Variants in FNTA observed in about 807,000 individuals in gnomAD.
The protein encoded by FNTA is protein farnesyltransferase/geranylgeranyltransferase type-1 subunit alpha.
FNTA carries 27 observed loss-of-function variants against 55.2 expected under a neutral mutation model. The ratio of observed to expected loss-of-function variants is 0.49; its 90% CI spans 0.36 to 0.67. The LOEUF (loss-of-function observed/expected upper bound fraction) is 0.67. Ranked by LOEUF, FNTA falls within the 30% of genes least tolerant of loss-of-function variation. The pLI, the probability that FNTA is intolerant of heterozygous loss-of-function variation, is 0.00. For missense variants in FNTA, 422 were observed against 464.7 expected, an observed-to-expected ratio of 0.91 and a Z score of 0.85; for synonymous variants, 176 against 170.7, an observed-to-expected ratio of 1.03 and a Z score of -0.24.
intron 7 of FNTA, chr8:43,084,491 C>T: frequency 7.6e-6 from 3 of 394,318 alleles, no homozygotes; most frequent in South Asian, 7.6e-5. Context: ...CAGAGTGTTT[C>T]CCAGGCATGA....
chr8:43,056,488 G>A lies in FNTA; in HGVS notation c.142G>A (p.Ala48Thr). ...GGCGGCCGAGGCTGGGGAAGCCGTG[G>A]CGTCCCCCATGGACGACGGGTTTGT... is the stretch of plus-strand genomic sequence containing the variant. Reference protein sequence around the residue: ...EMAAEAGEAVASPMDDGFVSL... With the variant: ...EMAAEAGEAVTSPMDDGFVSL... The change falls in exon 1 of 9, where the codon GCG becomes ACG. Residue 48 changes from alanine (A) to threonine (T), a missense_variant. By Grantham distance (58) the Ala-to-Thr change is moderately conservative. Coordinates refer to ENST00000302279, the MANE Select transcript of FNTA (RefSeq NM_002027.3). 1 of 1,573,334 alleles carries A rather than the reference G, an allele frequency of 6.4e-7. No individual in the cohort carries two copies.
In FNTA at chr8:43,056,412, C is replaced by G. The variant is rs570519776; in HGVS notation, c.66C>G (p.Pro22=). 2.8e-4 allele frequency: 429 copies of G among 1,520,686 alleles called. 2 individuals carry two copies. In the South Asian group the frequency reaches 5.0e-3, roughly 18 times the overall value. The allele number at this position is 1,520,686 out of a possible 1,614,324, so 94.2% of individuals were successfully genotyped here. A position where few individuals can be genotyped will look rare whatever the true frequency, so the allele number is the denominator to read the frequency against. Residue 22 remains proline (P), a synonymous_variant, in exon 1 of 9, where the codon CCC becomes CCG. Transcript: ENST00000302279. ...GCGAGCCCGGGCAGCCGGCGCAACC[C>G]CCGCCCCAGCCGCACCCACCGCCGC... The part of the protein sequence containing the change: ...QGGEPGQPAQ[P]PPQPHPPPPQ...
chr8:43,071,078 G>T (rs1810778766), intron 4 of FNTA, among the ~76,000 whole-genome samples: 1 of 152,064 alleles, frequency 6.6e-6, no homozygotes. Flanking sequence ...TGTAGAATAG[G>T]TCATTCATTA....
chr8:43,076,929 T>TATATA, intron 5 of FNTA: 1 of 242,074 alleles, frequency 4.1e-6, no homozygotes, highest in Non-Finnish European at 7.9e-6. Context: ...TTTATATCTA[T>TATATA]ACTGTGGTCA....
chr8:43,073,308 A>G (rs1351486573), intron 5 of FNTA, among the ~76,000 whole-genome samples: 1 of 152,240 alleles, frequency 6.6e-6, no homozygotes, highest in Non-Finnish European at 1.5e-5. Context: ...ACAATAGATT[A>G]AGACATAAAA....
At chr8:43,068,904 G>A (rs548345141) in intron 3 of FNTA, among the ~76,000 whole-genome samples, 1 of 152,144 alleles carries the variant, frequency 6.6e-6, no homozygotes, top group South Asian at 2.1e-4. Context: ...TAGAGATGGG[G>A]TTTCTCCATG....
At chr8:43,057,575 TC>T (rs1167591947) in intron 1 of FNTA, among the ~76,000 whole-genome samples, 1 of 152,178 alleles carries the variant, frequency 6.6e-6, no homozygotes, top group Non-Finnish European at 1.5e-5. Flanking sequence ...CTTGTATTTC[TC>T]CCTGTATAAT....
chr8:43,069,693 G>A, intron 4 of FNTA, 34 bp downstream of exon 4: 1 of 1,332,414 alleles, frequency 7.5e-7, no homozygotes, highest in Non-Finnish European at 1.1e-6. Flanking sequence ...CTCCCAGGCT[G>A]GAGTGCAGTG....
intron 5 of FNTA, among the ~76,000 whole-genome samples, chr8:43,072,773 C>T (rs912467446): frequency 6.6e-6 from 1 of 151,992 alleles, no homozygotes; most frequent in Non-Finnish European, 1.5e-5. Context: ...ACCTGACATC[C>T]TTCATGTTAG....
In FNTA at chr8:43,071,376, C is replaced by T. The variant is rs749053308; in HGVS notation, c.507-805C>T. Among the ~76,000 whole-genome samples, 6 of 151,914 alleles carry T rather than the reference C, an allele frequency of 3.9e-5. No homozygotes were observed. The South Asian group carries it at 6.2e-4, about 16-fold the overall frequency. On this transcript the variant is annotated intron_variant, in intron 4 of 8. Coordinates refer to ENST00000302279, the MANE Select transcript of FNTA (RefSeq NM_002027.3). ...ATAAAATCCTTAAGTATTTTCCTAG[C>T]GCAGAAACTCCTGGCCGGGCGCGGT...
At chr8:43,077,987 CTTG>C (rs927597429) in intron 6 of FNTA, 4 of 152,112 alleles carry the variant, frequency 2.6e-5, no homozygotes, top group African/African-American at 7.2e-5. Flanking sequence ...TTTGAACAGG[CTTG>C]TTGTTTTCAG....
intron 3 of FNTA, among the ~76,000 whole-genome samples, chr8:43,065,177 T>A (rs1426880289): frequency 6.6e-6 from 1 of 152,088 alleles, no homozygotes; most frequent in Non-Finnish European, 1.5e-5. Flanking sequence ...GAAAGATAGT[T>A]CATTCTCCAC....
Position 43,064,039 on chromosome 8 carries a change from A to T in FNTA, c.287-62A>T, listed in dbSNP as rs533311725. The T allele has an allele frequency of 8.8e-5, 86 of 979,456 alleles. 1 individual carries two copies. In the South Asian group the frequency reaches 1.1e-3, roughly 13 times the overall value. 60.7% of individuals were successfully genotyped at this position (979,456 alleles called of 1,614,324 possible). A position where few individuals can be genotyped will look rare whatever the true frequency, so the allele number is the denominator to read the frequency against. The stretch of plus-strand genomic sequence containing the variant: ...ATATCTTTATAGGTATAGTGACATT[A>T]TACATTATAGTGCTAATTTTAAGTA... On this transcript the variant is annotated intron_variant, in intron 2 of 8. Coordinates refer to ENST00000302279, the MANE Select transcript of FNTA (RefSeq NM_002027.3).
intron 3 of FNTA, among the ~76,000 whole-genome samples, chr8:43,068,423 T>G (rs1014039188): frequency 5.3e-5 from 8 of 152,254 alleles, no homozygotes; most frequent in Non-Finnish European, 1.2e-4. Context: ...TGGTGGTGGT[T>G]AAAACTCCAC....
chr8:43,083,140 C>T lies in FNTA; in HGVS notation c.805C>T (p.Leu269=), dbSNP rs571782533. ...CAGATACACTCTGGAAATGATTAAACTAGTACCACATAATGAAAGTGCATG... is the reference window on the plus strand; with the variant it reads ...CAGATACACTCTGGAAATGATTAAATTAGTACCACATAATGAAAGTGCATG... ...EVQYTLEMIK[L]VPHNESAWNY... The change falls in exon 7 of 9, where the codon CTA becomes TTA. Residue 269 remains leucine (L), a synonymous_variant. Coordinates refer to ENST00000302279, the MANE Select transcript of FNTA (RefSeq NM_002027.3). The T allele has an allele frequency of 6.3e-7, 1 of 1,584,254 alleles. No individual in the cohort carries two copies. The highest frequency in any genetic ancestry group is 1.4e-5 in the African/African-American group (1 of 73,124).
intron 3 of FNTA, among the ~76,000 whole-genome samples, chr8:43,066,548 C>G (rs571356602): frequency 6.6e-6 from 1 of 151,578 alleles, no homozygotes; most frequent in East Asian, 1.9e-4. Context: ...CGTGAGCCAC[C>G]TTGCCTGGCC....
In FNTA at chr8:43,072,185, C is replaced by T; in HGVS notation, c.511C>T (p.His171Tyr). 2.0e-6 allele frequency: 3 copies of T among 1,537,196 alleles called. No homozygotes were observed. The highest frequency in any genetic ancestry group is 2.6e-6 in the Non-Finnish European group (3 of 1,141,390). Reference sequence around the variant, plus strand: ...TCTCCCTTCTTTGGGCTTTAGGCATCATAGGCGAGTATTAGTGGAATGGCT... The same window carrying T: ...TCTCCCTTCTTTGGGCTTTAGGCATTATAGGCGAGTATTAGTGGAATGGCT... Reference protein sequence around the residue: ...EQPKNYQVWHHRRVLVEWLRD... With the variant: ...EQPKNYQVWHYRRVLVEWLRD... Residue 171 changes from histidine (H) to tyrosine (Y), a missense_variant, in exon 5 of 9, where the codon CAT (histidine) becomes TAT (tyrosine). Transcript: ENST00000302279.
intron 3 of FNTA, among the ~76,000 whole-genome samples, chr8:43,066,886 G>A (rs868837902): frequency 3.9e-5 from 6 of 152,144 alleles, no homozygotes; most frequent in African/African-American, 1.2e-4. Context: ...AGAGGATTAA[G>A]TAGTTTATTG....
Position 43,085,337 on chromosome 8 carries a change from A to G in FNTA, c.*55A>G, listed in dbSNP as rs912751951. ...TTTATTTTTTATTAAGGGACCCTGC[A>G]GGAGTTTCACACGAGAGTGGTCCTT... On this transcript the variant is annotated 3_prime_UTR_variant, in exon 9 of 9. Coordinates refer to ENST00000302279, the MANE Select transcript of FNTA (RefSeq NM_002027.3). 6.4e-7 allele frequency: 1 copy of G among 1,555,028 alleles called. No homozygotes were observed. The highest frequency in any genetic ancestry group is 1.4e-5 in the African/African-American group (1 of 72,752).
Sources: allele counts gnomAD v4.1 joint callset (sites outside exome capture counted in the v4.1 genomes callset), GRCh38; gene constraint gnomAD v4.1.1; transcripts MANE v1.5; gene names NCBI Gene and HGNC (gene_info 2026-07-23, HGNC 2026-07-21).